Variants in NUP133 observed in about 807,000 individuals in gnomAD.
NUP133 encodes nuclear pore complex protein Nup133.
In NUP133, 66 loss-of-function variants were observed where a neutral mutation model predicts 146.2. That is an observed-to-expected ratio of 0.45 (90% CI 0.37 to 0.55). The LOEUF (loss-of-function observed/expected upper bound fraction) is 0.55. NUP133 is among the 20% of genes least tolerant of loss of function. The probability of loss-of-function intolerance (pLI) is 0.00; values close to 1 mark genes in which losing one functional copy is unlikely to be tolerated. For synonymous variants in NUP133, 521 were observed against 498.8 expected, an observed-to-expected ratio of 1.04 and a Z score of -0.59; for missense variants, 1,277 against 1,374.8, an observed-to-expected ratio of 0.93 and a Z score of 1.12.
At chr1:229,453,675 A>G (rs1304530815) in intron 21 of NUP133, among the ~76,000 whole-genome samples, 10 of 152,352 alleles carry the variant, frequency 6.6e-5, no homozygotes, top group Admixed American at 3.9e-4. Context: ...CTTGCCCACA[A>G]TAGCAATAGG....
intron 12 of NUP133, among the ~76,000 whole-genome samples, chr1:229,483,071 A>G (rs1020699473): frequency 3.3e-5 from 5 of 152,206 alleles, no homozygotes; most frequent in African/African-American, 1.2e-4. Flanking sequence ...TTTTGCGTAA[A>G]GCAAAACTCA....
intron 21 of NUP133, among the ~76,000 whole-genome samples, chr1:229,456,824 G>C (rs963901277): frequency 6.6e-6 from 1 of 150,678 alleles, no homozygotes; most frequent in African/African-American, 2.4e-5. Context: ...TATATAGAGA[G>C]AGACTTTTTT....
intron 14 of NUP133, among the ~76,000 whole-genome samples, chr1:229,475,248 A>T (rs1466375987): frequency 6.6e-6 from 1 of 152,234 alleles, no homozygotes; most frequent in East Asian, 1.9e-4. Flanking sequence ...TCCAGTAGCA[A>T]AACATTTTCT....
chr1:229,486,984 C>CTTGACAGAACCT (rs1558103654), intron 10 of NUP133, among the ~76,000 whole-genome samples: 1 of 150,368 alleles, frequency 6.7e-6, no homozygotes, highest in Non-Finnish European at 1.5e-5. Context: ...GGTTCTTGTG[C>CTTGACAGAACCT]TGGGACTAGA....
intron 2 of NUP133, among the ~76,000 whole-genome samples, chr1:229,504,744 C>T (rs1661891480): frequency 6.6e-6 from 1 of 152,172 alleles, no homozygotes; most frequent in South Asian, 2.1e-4. Flanking sequence ...GTATTTCCCC[C>T]TTTTATCTGC....
At chr1:229,470,941 T>C in intron 14 of NUP133, 137 bp from the exon 15 acceptor site, 1 of 676,802 alleles carries the variant, frequency 1.5e-6, no homozygotes, top group Non-Finnish European at 2.5e-6. Context: ...CAGCTGTCTC[T>C]TGTTTTAACT....
intron 5 of NUP133, among the ~76,000 whole-genome samples, chr1:229,498,631 C>T (rs1661716676): frequency 6.6e-6 from 1 of 151,970 alleles, no homozygotes; most frequent in African/African-American, 2.4e-5. Context: ...CGGTGCGCAC[C>T]TGTAATCCCA....
At chr1:229,469,377 C>T (rs1246464553) in intron 15 of NUP133, among the ~76,000 whole-genome samples, 2 of 152,200 alleles carry the variant, frequency 1.3e-5, no homozygotes, top group Non-Finnish European at 2.9e-5. Flanking sequence ...AGCATCTTAA[C>T]CATTTCTGTC....
intron 20 of NUP133, among the ~76,000 whole-genome samples, chr1:229,460,185 CT>C (rs1195025769): frequency 6.6e-6 from 1 of 152,078 alleles, no homozygotes; most frequent in Non-Finnish European, 1.5e-5. Flanking sequence ...CTATTCAGGT[CT>C]TTTGCCATTC....
chr1:229,487,941 T>G (rs1661404057), intron 9 of NUP133, among the ~76,000 whole-genome samples: 1 of 149,086 alleles, frequency 6.7e-6, no homozygotes, highest in Non-Finnish European at 1.5e-5. Flanking sequence ...CTTCCCAGGC[T>G]CAAACAATTC....
At chr1:229,462,851 G>A (rs1660723602) in intron 19 of NUP133, among the ~76,000 whole-genome samples, 1 of 152,082 alleles carries the variant, frequency 6.6e-6, no homozygotes, top group African/African-American at 2.4e-5. Flanking sequence ...GAGGCTGGCT[G>A]GGAACTTTGT....
rs1490435001 is a variant in NUP133 at position 229,502,061 on chromosome 1, C to G, written c.343G>C (p.Ala115Pro). 1.2e-6 allele frequency: 2 copies of G among 1,613,958 alleles called. No homozygotes were observed. Among genetic ancestry groups the G allele is most frequent in the African/African-American group, 2.7e-5 (2 of 75,024 alleles). ...AGCTTCTCTTTGCACACCAGACAAG[C>G]CCATCCACCTTCATCTATGTTAATG... The part of the protein sequence containing the change: ...LTINIDEGGW[A>P]CLVCKEKLII... Residue 115 changes from alanine to proline, a missense_variant, in exon 3 of 26, where the codon GCT becomes CCT. Transcript: ENST00000261396.
intron 9 of NUP133, among the ~76,000 whole-genome samples, chr1:229,489,054 A>T (rs1036050708): frequency 1.3e-5 from 2 of 152,198 alleles, no homozygotes; most frequent in African/African-American, 4.8e-5. Context: ...ATACAAATAT[A>T]ATCTTCCTTT....
intron 11 of NUP133, 89 bp from the exon 12 acceptor site, chr1:229,484,234 A>AC: frequency 1.2e-6 from 1 of 820,486 alleles, no homozygotes; most frequent in Non-Finnish European, 2.0e-6. Context: ...CTATGATAGC[A>AC]ACTCCGCATA....
chr1:229,484,757 A>G (rs547293698), intron 11 of NUP133, among the ~76,000 whole-genome samples: 2 of 152,360 alleles, frequency 1.3e-5, no homozygotes, highest in African/African-American at 2.4e-5. Context: ...TTCAGAATGT[A>G]TAACAGTATT....
intron 9 of NUP133, among the ~76,000 whole-genome samples, chr1:229,489,282 A>G (rs1661451482): frequency 6.6e-6 from 1 of 152,144 alleles, no homozygotes; most frequent in Non-Finnish European, 1.5e-5. Flanking sequence ...CGGCCTGTTG[A>G]GTAGCTGGGA....
At chr1:229,446,743 AT>A (rs1033940277) in intron 24 of NUP133, among the ~76,000 whole-genome samples, 43 of 151,094 alleles carry the variant, frequency 2.8e-4, no homozygotes, top group African/African-American at 6.8e-4. Flanking sequence ...CAAAAAAAAA[AT>A]TTTTTTTTAA....
intron 25 of NUP133, 150 bp downstream of exon 25, chr1:229,444,764 T>C (rs1444981031): frequency 1.3e-5 from 7 of 524,604 alleles, no homozygotes; most frequent in South Asian, 2.7e-5. Context: ...GAAGAATTGC[T>C]TGAACCCGGG....
chr1:229,470,896 G>A lies in NUP133; in HGVS notation c.1852-92C>T. 17 of 1,092,172 alleles carry A rather than the reference G, an allele frequency of 1.6e-5. No homozygotes were observed. The South Asian group carries it at 2.4e-4, about 16-fold the overall frequency. The allele number at this position is 1,092,172 out of a possible 1,614,324, so 67.7% of individuals were successfully genotyped here. A position where few individuals can be genotyped will look rare whatever the true frequency, so the allele number is the denominator to read the frequency against. ...ATTTTCCCCAGAAGCACCCTGGGCA[G>A]TCACTGGCCCCAGCTTTCCCCCAGC... On this transcript the variant is annotated intron_variant, in intron 14 of 25. Coordinates refer to ENST00000261396, the MANE Select transcript of NUP133 (RefSeq NM_018230.3).
Sources: gnomAD v4.1 joint callset for allele counts (sites outside exome capture counted in the v4.1 genomes callset) on GRCh38, gnomAD v4.1.1 for gene constraint, MANE v1.5 for transcripts, NCBI Gene and HGNC (gene_info 2026-07-23, HGNC 2026-07-21) for gene names.